The following CNTN5 variants were observed in gnomAD, a reference collection of about 807,000 sequenced individuals.
CNTN5 encodes contactin 5, also known as contactin-5.
A neutral mutation model predicts 129.1 loss-of-function variants in CNTN5; 77 were observed. That is an observed-to-expected ratio of 0.60 (90% CI 0.50 to 0.72). The LOEUF is 0.72. Ranked by LOEUF, CNTN5 falls within the 30% of genes least tolerant of loss-of-function variation. The probability of loss-of-function intolerance (pLI) is 0.00; values close to 1 mark genes in which losing one functional copy is unlikely to be tolerated. For missense variants in CNTN5, 1,478 were observed against 1,328.8 expected, an observed-to-expected ratio of 1.11 and a Z score of -1.75; for synonymous variants, 509 against 465.6, an observed-to-expected ratio of 1.09 and a Z score of -1.20.
At position 99,553,461 on chromosome 11, in the gene CNTN5, A is replaced by G. The variant is rs116653415; in HGVS notation, c.-70-2684A>G. Among the ~76,000 whole-genome samples, 495 of 152,216 alleles carry G rather than the reference A, an allele frequency of 3.3e-3. 6 individuals are homozygous for G. The highest frequency in any genetic ancestry group is 0.011 in the African/African-American group (476 of 41,558). ...GGAATTTTATTAAAGTCATCGGATAACTATGTTTTCAAAAGAAACGTGTAA... is the reference window on the plus strand; with the variant it reads ...GGAATTTTATTAAAGTCATCGGATAGCTATGTTTTCAAAAGAAACGTGTAA... On this transcript the variant is annotated intron_variant, in intron 2 of 24. Transcript: ENST00000524871.
At chr11:100,085,073 C>G (rs969271750) in intron 13 of CNTN5, among the ~76,000 whole-genome samples, 1 of 151,784 alleles carries the variant, frequency 6.6e-6, no homozygotes, top group African/African-American at 2.4e-5. Context: ...ATATAGGCCA[C>G]TTAAGGGGGA....
chr11:99,245,028 G>T (rs1057408753), intron 1 of CNTN5, among the ~76,000 whole-genome samples: 7 of 152,150 alleles, frequency 4.6e-5, no homozygotes, highest in Non-Finnish European at 1.0e-4. Context: ...AAATATACTT[G>T]CAAGATTAGT....
intron 12 of CNTN5, 96 bp from the exon 13 acceptor site, chr11:100,074,048 C>T: frequency 1.8e-6 from 2 of 1,126,000 alleles, no homozygotes; most frequent in Non-Finnish European, 2.5e-6. Context: ...ATGAGAAATG[C>T]CTCCCAGAAG....
chr11:99,630,329 G>C lies in CNTN5; in HGVS notation c.55+74060G>C, dbSNP rs1379995347. On this transcript the variant is annotated intron_variant, in intron 3 of 24. Coordinates refer to ENST00000524871, the MANE Select transcript of CNTN5 (RefSeq NM_014361.4). ...AAAAAGTTAACAGTAATTGCCTCTG[G>C]AGAGCAATTTTCAGGACATCAGGGT... is the stretch of plus-strand genomic sequence containing the variant. Among the ~76,000 whole-genome samples the C allele has an allele frequency of 1.3e-5, 2 of 151,782 alleles. 1 individual carries two copies. Among genetic ancestry groups the C allele is most frequent in the Middle Eastern group, 6.4e-3 (2 of 314 alleles).
chr11:100,107,550 A>G (rs953986037), intron 13 of CNTN5, among the ~76,000 whole-genome samples: 7 of 150,426 alleles, frequency 4.7e-5, no homozygotes, highest in African/African-American at 1.7e-4. Flanking sequence ...GCAGAATCAG[A>G]TAAATGTTTG....
chr11:99,874,653 A>G (rs1948588639), intron 6 of CNTN5, among the ~76,000 whole-genome samples: 1 of 152,182 alleles, frequency 6.6e-6, no homozygotes, highest in South Asian at 2.1e-4. Flanking sequence ...GTAATCTGCT[A>G]TTAAACTACC....
At chr11:99,435,478 A>G (rs1241392383) in intron 2 of CNTN5, among the ~76,000 whole-genome samples, 2 of 152,112 alleles carry the variant, frequency 1.3e-5, no homozygotes, top group Non-Finnish European at 2.9e-5. Flanking sequence ...TGAAACTCAC[A>G]CCTACTCCCT....
rs142945831 is a variant in CNTN5 at position 99,635,737 on chromosome 11, T to G, written c.55+79468T>G. ...ATCCCTAGGGAAAATGACAAGCTCA[T>G]GGTAGGTAAATAAATTATGTTTATG... is the stretch of plus-strand genomic sequence containing the variant. On this transcript the variant is annotated intron_variant, in intron 3 of 24. Transcript: ENST00000524871. 3.8e-4 allele frequency among the ~76,000 whole-genome samples: 58 copies of G among 152,238 alleles called. 1 individual carries two copies. Among genetic ancestry groups the G allele is most frequent in the African/African-American group, 1.3e-3 (53 of 41,552 alleles).
At chr11:99,196,160 A>G (rs931860391) in intron 1 of CNTN5, among the ~76,000 whole-genome samples, 37 of 151,780 alleles carry the variant, frequency 2.4e-4, no homozygotes, top group African/African-American at 8.9e-4. Context: ...CTTACAGTAA[A>G]AAAAAAAATA....
chr11:99,039,472 T>C (rs1863898371), intron 1 of CNTN5, among the ~76,000 whole-genome samples: 1 of 152,134 alleles, frequency 6.6e-6, no homozygotes, highest in Non-Finnish European at 1.5e-5. Context: ...GCCATGCTGC[T>C]CTTCATTGTA....
chr11:99,750,829 T>C (rs1323533665), intron 3 of CNTN5, among the ~76,000 whole-genome samples: 1 of 152,240 alleles, frequency 6.6e-6, no homozygotes, highest in Admixed American at 6.5e-5. Flanking sequence ...TTGATACTTT[T>C]CCATCTCATT....
At chr11:100,007,947 T>G (rs75671869) in intron 9 of CNTN5, among the ~76,000 whole-genome samples, 2 of 152,076 alleles carry the variant, frequency 1.3e-5, no homozygotes, top group East Asian at 3.9e-4. Flanking sequence ...TAGAAACCAT[T>G]GTAGGGTTAT....
chr11:99,498,009 T>C (rs565661336), intron 2 of CNTN5, among the ~76,000 whole-genome samples: 1 of 152,142 alleles, frequency 6.6e-6, no homozygotes, highest in Non-Finnish European at 1.5e-5. Flanking sequence ...ATTTTCTACA[T>C]GTTAGCTACT....
chr11:100,269,787 T>A (rs1302556610), intron 17 of CNTN5, among the ~76,000 whole-genome samples: 1 of 152,150 alleles, frequency 6.6e-6, no homozygotes, highest in Non-Finnish European at 1.5e-5. Context: ...GGTCCAGATG[T>A]CTGGAGTTAC....
chr11:99,539,575 A>G (rs1316456413), intron 2 of CNTN5, among the ~76,000 whole-genome samples: 1 of 152,116 alleles, frequency 6.6e-6, no homozygotes, highest in Admixed American at 6.6e-5. Context: ...AATTTATGAA[A>G]TAATTATTAC....
intron 3 of CNTN5, among the ~76,000 whole-genome samples, chr11:99,685,470 CTGT>C (rs1186755898): frequency 5.9e-5 from 9 of 151,840 alleles, no homozygotes; most frequent in African/African-American, 1.4e-4. Context: ...AAATATTCCA[CTGT>C]TGTTGTCAAT....
intron 3 of CNTN5, among the ~76,000 whole-genome samples, chr11:99,665,225 T>G (rs996085048): frequency 6.6e-6 from 1 of 152,148 alleles, no homozygotes; most frequent in African/African-American, 2.4e-5. Context: ...CTTACTGTAT[T>G]CTAGCAAAAG....
At chr11:99,820,362 G>A (rs1225677176) in intron 4 of CNTN5, among the ~76,000 whole-genome samples, 1 of 152,286 alleles carries the variant, frequency 6.6e-6, no homozygotes. Context: ...AGTGTATTCT[G>A]TGTAAGAAAA....
chr11:99,088,970 T>G (rs546967277), intron 1 of CNTN5, among the ~76,000 whole-genome samples: 1 of 152,218 alleles, frequency 6.6e-6, no homozygotes, highest in African/African-American at 2.4e-5. Flanking sequence ...TCAGTGAAAA[T>G]AAATCAACAC....
Sources: gnomAD v4.1 joint callset for allele counts (sites outside exome capture counted in the v4.1 genomes callset) on GRCh38, gnomAD v4.1.1 for gene constraint, MANE v1.5 for transcripts, NCBI Gene and HGNC (gene_info 2026-07-23, HGNC 2026-07-21) for gene names.